Variants in FRMD6 observed in about 807,000 individuals in gnomAD.
The protein encoded by FRMD6 is FERM domain-containing protein 6.
FRMD6 carries 37 observed loss-of-function variants against 73.2 expected under a neutral mutation model. The ratio of observed to expected loss-of-function variants is 0.51; its 90% confidence interval spans 0.39 to 0.66. FRMD6 has a LOEUF of 0.66. Among genes scored for constraint, FRMD6 ranks in the 30% least tolerant of loss-of-function variants. FRMD6 has a pLI of 0.00. For synonymous variants in FRMD6, 273 were observed against 282.2 expected (o/e 0.97, Z 0.33); for missense variants, 714 against 780.5 (o/e 0.91, Z 1.02).
At chr14:51,459,716 G>A in the FRMD6 span, among the ~76,000 whole-genome samples, 12,555 of 150,672 alleles carry the variant, frequency 0.083, 637 homozygotes, top group South Asian at 0.13. Flanking sequence ...AGTCCCAGCT[G>A]CTCGGGAGGC....
At chr14:51,487,860 A>T (rs536625440), upstream of FRMD6, among the ~76,000 whole-genome samples, 102 of 152,306 alleles carry the variant, frequency 6.7e-4, no homozygotes, top group African/African-American at 2.4e-3. Flanking sequence ...AGCAGTGGTG[A>T]TAGGTATAGA....
intron 2 of FRMD6, among the ~76,000 whole-genome samples, chr14:51,574,759 A>G (rs2139614917): frequency 6.6e-6 from 1 of 152,340 alleles, no homozygotes; most frequent in Admixed American, 6.5e-5. Context: ...AATATTTGAT[A>G]GTACAACAGG....
chr14:51,553,468 T>C (rs1886950892), intron 1 of FRMD6, among the ~76,000 whole-genome samples: 1 of 152,228 alleles, frequency 6.6e-6, no homozygotes, highest in African/African-American at 2.4e-5. Context: ...GGGTAGTTAG[T>C]CATATTTATT....
chr14:51,504,567 C>A (rs1883837543), intron 1 of FRMD6, among the ~76,000 whole-genome samples: 1 of 152,234 alleles, frequency 6.6e-6, no homozygotes, highest in African/African-American at 2.4e-5. Context: ...AATCCTTATT[C>A]TGGCCTGACT....
intron 2 of FRMD6, among the ~76,000 whole-genome samples, chr14:51,634,066 A>T (rs1462450353): frequency 1.3e-5 from 2 of 152,238 alleles, no homozygotes; most frequent in Non-Finnish European, 2.9e-5. Flanking sequence ...ATGTCCTAAG[A>T]TACAACGTCC....
At position 51,639,379 on chromosome 14, in the gene FRMD6, G is replaced by A. The variant is rs564972981; in HGVS notation, c.-146-50312G>A. 2.6e-5 allele frequency among the ~76,000 whole-genome samples: 4 copies of A among 151,698 alleles called. No individual in the cohort carries two copies. In the East Asian group the frequency reaches 5.8e-4, roughly 22 times the overall value. On this transcript the variant is annotated intron_variant, in intron 2 of 14. Transcript: ENST00000356218. ...GAACCCGGTAGGCGGAGCTTGCAGC[G>A]AGCTGAGATTGCGCCACTGCACTCC...
At chr14:51,516,900 CT>C (rs1452551748) in intron 1 of FRMD6, among the ~76,000 whole-genome samples, 1 of 152,160 alleles carries the variant, frequency 6.6e-6, no homozygotes, top group Admixed American at 6.5e-5. Flanking sequence ...TTCCTTGCCT[CT>C]TTTAATCTGA....
intron 2 of FRMD6, among the ~76,000 whole-genome samples, chr14:51,642,472 G>T (rs1490565445): frequency 6.6e-6 from 1 of 152,186 alleles, no homozygotes; most frequent in East Asian, 1.9e-4. Flanking sequence ...GGAGGTGGAG[G>T]TTGCAGTGAG....
chr14:51,577,309 T>A (rs571560476), intron 2 of FRMD6, among the ~76,000 whole-genome samples: 2 of 152,062 alleles, frequency 1.3e-5, no homozygotes, highest in South Asian at 4.2e-4. Context: ...ACCAAACTCA[T>A]GGCACAGTCA....
chr14:51,545,847 C>G (rs978705941), intron 1 of FRMD6, among the ~76,000 whole-genome samples: 5 of 151,864 alleles, frequency 3.3e-5, no homozygotes, highest in African/African-American at 4.8e-5. Context: ...TAGCAGCATA[C>G]AAGGGAATAT....
intron 1 of FRMD6, among the ~76,000 whole-genome samples, chr14:51,546,992 C>G (rs1382921075): frequency 2.6e-5 from 4 of 151,728 alleles, no homozygotes; most frequent in Non-Finnish European, 5.9e-5. Context: ...GGTATGATCT[C>G]GGTGCCTTCC....
chr14:51,690,657 C>G (rs929788113), intron 2 of FRMD6, among the ~76,000 whole-genome samples: 1 of 152,220 alleles, frequency 6.6e-6, no homozygotes, highest in Non-Finnish European at 1.5e-5. Context: ...GCTGGGATTA[C>G]AGGCGTGAGC....
chr14:51,723,772 CA>C (rs71443192), intron 12 of FRMD6, among the ~76,000 whole-genome samples: 53,464 of 138,520 alleles, frequency 0.39, 10,601 homozygotes, highest in Non-Finnish European at 0.48. Flanking sequence ...GAGACTCTGT[CA>C]AAAAAAAAAA....
intron 2 of FRMD6, among the ~76,000 whole-genome samples, chr14:51,605,142 T>TC (rs1197333837): frequency 5.8e-4 from 86 of 147,234 alleles, no homozygotes; most frequent in African/African-American, 8.0e-4. Flanking sequence ...CAGGTTTCTT[T>TC]TTTTTTTTTT....
At chr14:51,506,936 A>G (rs1460191641) in intron 1 of FRMD6, among the ~76,000 whole-genome samples, 3 of 152,258 alleles carry the variant, frequency 2.0e-5, no homozygotes, top group East Asian at 3.8e-4. Flanking sequence ...AAATGTGCAT[A>G]TACTATGATC....
the FRMD6 span, chr14:51,436,200 G>T: frequency 3.1e-6 from 1 of 320,374 alleles, no homozygotes; most frequent in South Asian, 3.5e-5. Context: ...AAATGAAATA[G>T]ACAGACTTAA....
At chr14:51,504,364 G>T (rs1269000619) in intron 1 of FRMD6, among the ~76,000 whole-genome samples, 2 of 152,234 alleles carry the variant, frequency 1.3e-5, no homozygotes, top group Non-Finnish European at 2.9e-5. Context: ...GTAGGAGGTG[G>T]CTAGAGACCC....
chr14:51,448,421 G>A, the FRMD6 span, among the ~76,000 whole-genome samples: 2 of 152,226 alleles, frequency 1.3e-5, no homozygotes, highest in African/African-American at 2.4e-5. Context: ...GCTCCTTACA[G>A]TGAGGGACTG....
At chr14:51,613,603 A>G (rs556271727) in intron 2 of FRMD6, among the ~76,000 whole-genome samples, 7 of 152,290 alleles carry the variant, frequency 4.6e-5, no homozygotes, top group Admixed American at 6.5e-5. Flanking sequence ...GCAACTCCAA[A>G]TGTAATCCAA....
Sources: gnomAD v4.1 joint callset for allele counts (sites outside exome capture counted in the v4.1 genomes callset) on GRCh38, gnomAD v4.1.1 for gene constraint, MANE v1.5 for transcripts, NCBI Gene and HGNC (gene_info 2026-07-23, HGNC 2026-07-21) for gene names.